Variants in MMP20 observed in about 807,000 individuals in gnomAD.
The protein encoded by MMP20 is matrix metalloproteinase-20.
MMP20 carries 50 observed loss-of-function variants against 51.8 expected under a neutral mutation model. That is an observed-to-expected ratio of 0.97 (90% CI 0.77 to 1.22). The LOEUF (loss-of-function observed/expected upper bound fraction) is 1.22, where lower values mean the gene tolerates loss of function less well. Among genes scored for constraint, MMP20 ranks in the 50% most tolerant of loss-of-function variants. The probability of loss-of-function intolerance (pLI) is 0.00; values close to 1 mark genes in which losing one functional copy is unlikely to be tolerated. For missense variants in MMP20, 663 were observed against 601.4 expected, an observed-to-expected ratio of 1.10 and a Z score of -1.07; for synonymous variants, 244 against 216.2, an observed-to-expected ratio of 1.13 and a Z score of -1.13.
chr11:102,583,306 C>T (rs1395929856), intron 8 of MMP20, among the ~76,000 whole-genome samples: 1 of 152,196 alleles, frequency 6.6e-6, no homozygotes, highest in Non-Finnish European at 1.5e-5. Flanking sequence ...AGTTCTCTCT[C>T]TTATTTAAAC....
chr11:102,616,082 CT>C (rs1859666644), intron 2 of MMP20, among the ~76,000 whole-genome samples: 1 of 152,024 alleles, frequency 6.6e-6, no homozygotes. Context: ...GGTGTGTCCC[CT>C]TGGTTTATAA....
Position 102,594,690 on chromosome 11 carries a change from G to A in MMP20, c.1021C>T (p.Pro341Ser). The change falls in exon 7 of 10, where the codon CCC (proline) becomes TCC (serine). Residue 341 changes from proline (P) to serine (S), a missense_variant. Transcript: ENST00000260228. ...GCATCCACATTGGACATGAGCTGGG[G>A]GAAGGAGCTGGTAATAGTGCTGGGC... ...IRPSTITSSF[P>S]QLMSNVDAAY... 6.2e-7 allele frequency: 1 copy of A among 1,613,604 alleles called. No homozygotes were observed. The highest frequency in any genetic ancestry group is 1.1e-5 in the South Asian group (1 of 91,044).
intron 2 of MMP20, among the ~76,000 whole-genome samples, chr11:102,614,674 AT>A (rs758273202): frequency 7.1e-4 from 108 of 151,916 alleles, no homozygotes; most frequent in Non-Finnish European, 1.4e-3. Flanking sequence ...CACCTTATGG[AT>A]TTATTGGCTG....
intron 6 of MMP20, among the ~76,000 whole-genome samples, chr11:102,601,626 A>C (rs868558963): frequency 9.2e-5 from 14 of 152,196 alleles, no homozygotes; most frequent in African/African-American, 2.7e-4. Flanking sequence ...GAAGCCTCCA[A>C]CTGTGACCTC....
chr11:102,625,311 C>T lies in MMP20; in HGVS notation c.9G>A (p.Val3=). 1 of 1,613,234 alleles carries T rather than the reference C, an allele frequency of 6.2e-7. No homozygotes were observed. Among genetic ancestry groups the T allele is most frequent in the Non-Finnish European group, 8.5e-7 (1 of 1,179,562 alleles). The change falls in exon 1 of 10, where the codon GTG becomes GTA. Residue 3 remains valine, a synonymous_variant. Coordinates refer to ENST00000260228, the MANE Select transcript of MMP20 (RefSeq NM_004771.4). MK[V]LPASGLAVFL... is the part of the protein sequence containing the mutation. ...AGACAGCAAGGCCAGATGCAGGGAG[C>T]ACCTTCATCCCCTCACAGTAGCTTG...
intron 9 of MMP20, among the ~76,000 whole-genome samples, chr11:102,578,598 T>C (rs1859153726): frequency 6.6e-6 from 1 of 152,200 alleles, no homozygotes. Flanking sequence ...TAGCTGGGCC[T>C]GGTGGCCAGC....
rs747059983 is a variant in MMP20, at chr11:102,609,047, A to G, written c.701T>C (p.Leu234Pro). The change falls in exon 5 of 10, where the codon CTG (leucine) becomes CCG (proline). Residue 234 changes from leucine to proline, a missense_variant. Transcript: ENST00000260228. ...AAHEFGHALG[L>P]AHSTDPSALM... ...TGCTGATGGGTCTGTGGAATGGGCC[A>G]GGCCCAGGGCATGGCCAAATTCATG... The G allele has an allele frequency of 1.2e-6, 2 of 1,614,132 alleles. No homozygotes were observed. Among genetic ancestry groups the G allele is most frequent in the Non-Finnish European group, 1.7e-6 (2 of 1,179,948 alleles).
At chr11:102,621,181 C>A (rs1859746332) in intron 1 of MMP20, among the ~76,000 whole-genome samples, 1 of 152,166 alleles carries the variant, frequency 6.6e-6, no homozygotes, top group African/African-American at 2.4e-5. Context: ...GCAATTATAC[C>A]TTTTACAGAC....
intron 8 of MMP20, among the ~76,000 whole-genome samples, chr11:102,586,098 A>G (rs1859251594): frequency 6.6e-6 from 1 of 152,160 alleles, no homozygotes; most frequent in Non-Finnish European, 1.5e-5. Flanking sequence ...TGGTATAAGG[A>G]TAATGCTGAC....
At chr11:102,581,593 G>A (rs1859196589) in intron 8 of MMP20, among the ~76,000 whole-genome samples, 1 of 152,086 alleles carries the variant, frequency 6.6e-6, no homozygotes, top group African/African-American at 2.4e-5. Flanking sequence ...GAGAATTGAA[G>A]AATGAAAATA....
chr11:102,617,434 A>C (rs2135947133), intron 1 of MMP20, among the ~76,000 whole-genome samples: 1 of 152,324 alleles, frequency 6.6e-6, no homozygotes, highest in South Asian at 2.1e-4. Context: ...TTGTCACTGA[A>C]GTTCTTTACC....
chr11:102,577,083 A>G lies in MMP20; in HGVS notation c.*243T>C. The G allele has an allele frequency of 4.1e-6, 2 of 482,476 alleles. No homozygotes were observed. Among genetic ancestry groups the G allele is most frequent in the Non-Finnish European group, 7.5e-6 (2 of 264,906 alleles). 29.9% of individuals were successfully genotyped at this position (482,476 alleles called of 1,614,324 possible). On this transcript the variant is annotated 3_prime_UTR_variant, in exon 10 of 10. Transcript: ENST00000260228. ...AAAAAATAATGGTGTCTAACTGCAG[A>G]GTGCATTGTGTTGATTTGGATTTCG...
At chr11:102,596,040 A>G (rs1449414544) in intron 6 of MMP20, among the ~76,000 whole-genome samples, 1 of 152,218 alleles carries the variant, frequency 6.6e-6, no homozygotes, top group Non-Finnish European at 1.5e-5. Flanking sequence ...ACTGTGGTGG[A>G]CATCAAGGAT....
intron 8 of MMP20, among the ~76,000 whole-genome samples, chr11:102,584,250 T>C (rs947405137): frequency 3.9e-5 from 6 of 152,210 alleles, no homozygotes; most frequent in African/African-American, 1.4e-4. Flanking sequence ...CTACTACCAA[T>C]GTATGAGGGT....
chr11:102,591,511 A>G (rs1859316890), intron 8 of MMP20, among the ~76,000 whole-genome samples: 1 of 152,032 alleles, frequency 6.6e-6, no homozygotes, highest in South Asian at 2.1e-4. Context: ...CACCTGCTCT[A>G]TGCAGACCTT....
At chr11:102,598,568 A>G (rs563325744) in intron 6 of MMP20, among the ~76,000 whole-genome samples, 1 of 152,318 alleles carries the variant, frequency 6.6e-6, no homozygotes, top group Non-Finnish European at 1.5e-5. Flanking sequence ...CAAGTTTCAT[A>G]TTCTTTAAAA....
chr11:102,609,981 A>C lies in MMP20; in HGVS notation c.573T>G (p.His191Gln). The change falls in exon 4 of 10, where the codon CAT (histidine) becomes CAG (glutamine). Residue 191 changes from histidine to glutamine, a missense_variant. Coordinates refer to ENST00000260228, the MANE Select transcript of MMP20 (RefSeq NM_004771.4). The stretch of plus-strand genomic sequence containing the variant: ...CCAGGCCTTCTCCAGGAGCAAATGC[A>C]TGGGCTAGAGTCCCCCGAGGCCCAT... ...PFDGPRGTLAHAFAPGEGLGG... is the reference protein window; with the variant it reads ...PFDGPRGTLAQAFAPGEGLGG... 2 of 1,614,194 alleles carry C rather than the reference A, an allele frequency of 1.2e-6. No individual in the cohort carries two copies. The highest frequency in any genetic ancestry group is 1.7e-6 in the Non-Finnish European group (2 of 1,180,022).
At position 102,577,388 on chromosome 11, in the gene MMP20, A is replaced by C; in HGVS notation, c.1390T>G (p.Tyr464Asp). The C allele has an allele frequency of 6.2e-7, 1 of 1,614,064 alleles. No individual in the cohort carries two copies. Among genetic ancestry groups the C allele is most frequent in the Non-Finnish European group, 8.5e-7 (1 of 1,179,938 alleles). ...YFFSGPKTYK[Y>D]DTEKEDVVSV... ...ACCACATCTTCCTTCTCTGTGTCATACTTGTATGTTTTTGGTCCTGAAAAG... is the reference window on the plus strand; with the variant it reads ...ACCACATCTTCCTTCTCTGTGTCATCCTTGTATGTTTTTGGTCCTGAAAAG... Residue 464 changes from tyrosine to aspartate, a missense_variant, in exon 10 of 10, where the codon TAT becomes GAT. Physicochemically the swap from Tyr to Asp is radical, Grantham distance 160 (BLOSUM62 -3). Transcript: ENST00000260228.
chr11:102,606,274 C>A (rs75581740), intron 6 of MMP20, among the ~76,000 whole-genome samples: 1 of 152,170 alleles, frequency 6.6e-6, no homozygotes, highest in Non-Finnish European at 1.5e-5. Context: ...CTAATCTCTA[C>A]AGTGAAAAAG....
Sources: allele counts gnomAD v4.1 joint callset (sites outside exome capture counted in the v4.1 genomes callset), GRCh38; gene constraint gnomAD v4.1.1; transcripts MANE v1.5; gene names NCBI Gene and HGNC (gene_info 2026-07-23, HGNC 2026-07-21).